The following SNTG2 variants were observed in gnomAD, a reference collection of about 807,000 sequenced individuals.
SNTG2 encodes gamma-2-syntrophin.
A neutral mutation model predicts 70.9 loss-of-function variants in SNTG2; 74 were observed. The ratio of observed to expected loss-of-function variants is 1.04; its 90% CI spans 0.86 to 1.27. SNTG2 has a LOEUF of 1.27. SNTG2 is among the 50% of genes most tolerant of loss of function. The pLI, the probability that SNTG2 is intolerant of heterozygous loss-of-function variation, is 0.00. For synonymous variants in SNTG2, 278 were observed against 273.8 expected (o/e 1.02, Z -0.15); for missense variants, 717 against 690.7 (o/e 1.04, Z -0.43).
intron 2 of SNTG2, among the ~76,000 whole-genome samples, chr2:1,090,067 T>G (rs950403230): frequency 1.3e-5 from 2 of 152,236 alleles, no homozygotes; most frequent in African/African-American, 4.8e-5. Flanking sequence ...ATTTTTTGTG[T>G]GTTTTTCAAT....
At chr2:1,245,160 T>C (rs1377845703) in intron 11 of SNTG2, among the ~76,000 whole-genome samples, 7 of 146,952 alleles carry the variant, frequency 4.8e-5, no homozygotes, top group Non-Finnish European at 7.5e-5. Context: ...TTGGGAGATA[T>C]ACCTAATGCT....
chr2:1,032,950 A>T (rs73166509), intron 1 of SNTG2, among the ~76,000 whole-genome samples: 5,052 of 152,292 alleles, frequency 0.033, 288 homozygotes, highest in African/African-American at 0.11. Context: ...GAATCTTCCA[A>T]TCGCGGCAGA....
chr2:1,167,093 C>T (rs368314794), intron 7 of SNTG2, among the ~76,000 whole-genome samples: 71 of 152,338 alleles, frequency 4.7e-4, no homozygotes, highest in African/African-American at 1.6e-3. Flanking sequence ...TCTGTCCTTG[C>T]GATAAGGCAG....
chr2:1,357,925 T>C (rs1257340770), intron 16 of SNTG2, among the ~76,000 whole-genome samples: 1 of 152,168 alleles, frequency 6.6e-6, no homozygotes, highest in African/African-American at 2.4e-5. Flanking sequence ...CTTGAATTTC[T>C]ATTTTAAATA....
chr2:1,091,323 C>CT lies in SNTG2; in HGVS notation c.211-6872dup, dbSNP rs557686008. 2.0e-3 allele frequency among the ~76,000 whole-genome samples: 312 copies of CT among 152,268 alleles called. 1 individual carries two copies. The highest frequency in any genetic ancestry group is 7.2e-3 in the African/African-American group (301 of 41,560). ...CCCTGGACCACTTGGGACAGCTCCCCTGGAGGGCCAGGCCCATCAGTACAG... is the reference window on the plus strand; with the variant it reads ...CCCTGGACCACTTGGGACAGCTCCCCTTGGAGGGCCAGGCCCATCAGTACAG... On this transcript the variant is annotated intron_variant, in intron 2 of 16. Transcript: ENST00000308624.
intron 16 of SNTG2, chr2:1,341,399 C>A (rs1252956853): frequency 1.3e-5 from 2 of 152,308 alleles, no homozygotes; most frequent in East Asian, 1.9e-4. Context: ...ATGGCTGAGG[C>A]CCGAATGCCC....
chr2:1,065,459 T>C (rs141293478), intron 1 of SNTG2, among the ~76,000 whole-genome samples: 143 of 152,240 alleles, frequency 9.4e-4, no homozygotes, highest in African/African-American at 3.3e-3. Flanking sequence ...TGAGAGTGTT[T>C]TGGATGAGGT....
intron 14 of SNTG2, among the ~76,000 whole-genome samples, chr2:1,288,852 C>T (rs114990105): frequency 1.5e-3 from 226 of 152,276 alleles, no homozygotes; most frequent in Middle Eastern, 6.8e-3. Context: ...CACCTATGCA[C>T]ACACATGCAG....
chr2:1,355,789 A>G (rs1015389110), intron 16 of SNTG2, among the ~76,000 whole-genome samples: 1 of 151,962 alleles, frequency 6.6e-6, no homozygotes, highest in East Asian at 1.9e-4. Context: ...GCACCAATTT[A>G]CCTTTCCACC....
intron 2 of SNTG2, among the ~76,000 whole-genome samples, chr2:1,090,212 A>G (rs903800732): frequency 2.0e-5 from 3 of 152,238 alleles, no homozygotes; most frequent in African/African-American, 7.2e-5. Context: ...ATGAGTTGTT[A>G]TATGAACTGT....
intron 12 of SNTG2, among the ~76,000 whole-genome samples, chr2:1,256,794 G>A (rs1222508535): frequency 6.6e-6 from 1 of 152,118 alleles, no homozygotes; most frequent in Non-Finnish European, 1.5e-5. Flanking sequence ...CACCTGAGCT[G>A]CGTGTCAGCA....
chr2:1,218,992 C>T (rs191514837), intron 9 of SNTG2, among the ~76,000 whole-genome samples: 123 of 152,274 alleles, frequency 8.1e-4, no homozygotes, highest in Non-Finnish European at 1.6e-3. Flanking sequence ...GTCTGGGTTT[C>T]CACCCAAATC....
At chr2:1,065,342 T>C (rs1159036711) in intron 1 of SNTG2, among the ~76,000 whole-genome samples, 1 of 152,034 alleles carries the variant, frequency 6.6e-6, no homozygotes, top group Non-Finnish European at 1.5e-5. Flanking sequence ...AAACCATAAA[T>C]AGTCACAGGG....
At chr2:1,286,352 T>C (rs1679766350) in intron 14 of SNTG2, among the ~76,000 whole-genome samples, 1 of 152,170 alleles carries the variant, frequency 6.6e-6, no homozygotes, top group South Asian at 2.1e-4. Flanking sequence ...CTGGAGAACT[T>C]TGCCCCTTCC....
At chr2:1,337,358 C>T (rs1221629299) in intron 16 of SNTG2, among the ~76,000 whole-genome samples, 1 of 152,192 alleles carries the variant, frequency 6.6e-6, no homozygotes, top group African/African-American at 2.4e-5. Context: ...TCCTCAACAA[C>T]ACTTCCTAGG....
At chr2:1,231,140 G>C (rs187894651) in intron 9 of SNTG2, among the ~76,000 whole-genome samples, 12 of 149,224 alleles carry the variant, frequency 8.0e-5, no homozygotes, top group African/African-American at 3.0e-4. Context: ...AAATAGATCC[G>C]AAAGGTGACC....
chr2:1,164,756 G>A (rs113696098), intron 6 of SNTG2, among the ~76,000 whole-genome samples: 2,373 of 152,038 alleles, frequency 0.016, 40 homozygotes, highest in African/African-American at 0.053. Flanking sequence ...TGGCCTAGGA[G>A]GATGAAGTGA....
chr2:1,155,416 A>C (rs369769588), intron 6 of SNTG2, among the ~76,000 whole-genome samples: 1 of 151,948 alleles, frequency 6.6e-6, no homozygotes. Context: ...GCCCCACATC[A>C]CACACACGTG....
intron 8 of SNTG2, among the ~76,000 whole-genome samples, chr2:1,184,358 T>TAAAA (rs2147921831): frequency 6.6e-6 from 1 of 151,914 alleles, no homozygotes; most frequent in Non-Finnish European, 1.5e-5. Context: ...GAGCAAAAAA[T>TAAAA]AAAAACAATA....
Sources: gnomAD v4.1 joint callset for allele counts (sites outside exome capture counted in the v4.1 genomes callset) on GRCh38, gnomAD v4.1.1 for gene constraint, MANE v1.5 for transcripts, NCBI Gene and HGNC (gene_info 2026-07-23, HGNC 2026-07-21) for gene names.